The following MROH1 variants were observed in gnomAD, a reference collection of about 807,000 sequenced individuals.
The protein encoded by MROH1 is maestro heat like repeat family member 1.
A neutral mutation model predicts 116.5 loss-of-function variants in MROH1; 117 were observed. The observed-to-expected ratio is 1.00, with a 90% CI of 0.86 to 1.17. The LOEUF is 1.17. Among genes scored for constraint, MROH1 ranks in the 50% most tolerant of loss-of-function variants. The probability of loss-of-function intolerance (pLI) is 0.00; values close to 1 mark genes in which losing one functional copy is unlikely to be tolerated. For missense variants in MROH1, 1,873 were observed against 1,338.5 expected, an observed-to-expected ratio of 1.40 and a Z score of -6.23; for synonymous variants, 921 against 583.9, an observed-to-expected ratio of 1.58 and a Z score of -8.32.
At chr8:144,240,873 C>T (rs1840862595) in intron 20 of MROH1, 119 bp from the exon 21 acceptor site, 2 of 699,640 alleles carry the variant, frequency 2.9e-6, no homozygotes, top group Non-Finnish European at 2.6e-6. Flanking sequence ...CCCAGACTCA[C>T]CCTGCAGTTC....
At chr8:144,231,679 T>A (rs1388678333) in intron 14 of MROH1, among the ~76,000 whole-genome samples, 1 of 152,134 alleles carries the variant, frequency 6.6e-6, no homozygotes, top group South Asian at 2.1e-4. Context: ...ATCACAGATA[T>A]AATATTAATG....
intron 12 of MROH1, among the ~76,000 whole-genome samples, chr8:144,206,146 T>C (rs1398727778): frequency 6.6e-6 from 1 of 152,052 alleles, no homozygotes; most frequent in African/African-American, 2.4e-5. Context: ...ACCTCACGGG[T>C]TCAAGGGATC....
rs2129939924 is a variant in MROH1 at position 144,258,871 on chromosome 8, A to G, written c.3886A>G (p.Arg1296Gly). Reference protein sequence around the residue: ...MDLEGGWELLRTSAGHEEGAT... With the variant: ...MDLEGGWELLGTSAGHEEGAT... ...CCTGGAGGGAGGCTGGGAACTGCTC[A>G]GGACCTCGGCGGGGCATGAGGAGGG... Residue 1296 changes from arginine (R) to glycine (G), a missense_variant, in exon 36 of 44, where the codon AGG (arginine) becomes GGG (glycine). Transcript: ENST00000326134. 19 of 768,270 alleles carry G rather than the reference A, an allele frequency of 2.5e-5. No homozygotes were observed. In the East Asian group the frequency reaches 4.7e-4, roughly 19 times the overall value. The allele number at this position is 768,270 out of a possible 1,614,324, so 47.6% of individuals were successfully genotyped here.
intron 33 of MROH1, chr8:144,251,538 A>G (rs1186743872): frequency 7.9e-5 from 12 of 152,184 alleles, no homozygotes; most frequent in African/African-American, 2.9e-4. Context: ...AGGTGGCTGC[A>G]TGTGTCCTCA....
intron 9 of MROH1, among the ~76,000 whole-genome samples, 170 bp downstream of exon 9, chr8:144,192,025 C>A (rs565414752): frequency 6.6e-6 from 1 of 152,144 alleles, no homozygotes; most frequent in Non-Finnish European, 1.5e-5. Flanking sequence ...TGGGGACCAG[C>A]TTAGTTTTCC....
intron 14 of MROH1, among the ~76,000 whole-genome samples, chr8:144,233,386 A>C (rs1839331438): frequency 2.2e-5 from 2 of 91,668 alleles, no homozygotes; most frequent in Non-Finnish European, 4.4e-5. Context: ...TCCTGCACCC[A>C]CCATCCACCT....
chr8:144,179,245 A>G (rs1260127442), intron 4 of MROH1, among the ~76,000 whole-genome samples: 1 of 152,050 alleles, frequency 6.6e-6, no homozygotes, highest in Admixed American at 6.6e-5. Context: ...CTGGCGCAGG[A>G]TAACGCTCCA....
intron 12 of MROH1, among the ~76,000 whole-genome samples, chr8:144,213,625 C>T (rs1176182954): frequency 6.6e-6 from 1 of 151,966 alleles, no homozygotes; most frequent in African/African-American, 2.4e-5. Context: ...CCCGTTTCTG[C>T]TAAAAATACA....
chr8:144,176,052 A>AAAAT (rs886225161), intron 4 of MROH1, among the ~76,000 whole-genome samples: 1 of 151,772 alleles, frequency 6.6e-6, no homozygotes, highest in Non-Finnish European at 1.5e-5. Context: ...CTGTCTCAAA[A>AAAAT]AAATAAATAA....
intron 36 of MROH1, 122 bp from the exon 37 acceptor site, chr8:144,259,118 A>G (rs980016180): frequency 0.037 from 25,755 of 689,928 alleles, 629 homozygotes; most frequent in African/African-American, 0.084. Flanking sequence ...TCTCTGAAAC[A>G]TAGAACTCCC....
rs781009806 is a variant in MROH1 at position 144,191,799 on chromosome 8, C to T, written c.799C>T (p.Leu267Phe). The stretch of plus-strand genomic sequence containing the variant: ...GCTGGAAGAGCAGCTGCCCAAGCTC[C>T]TCCCTGGGATTCTCGCCCTCTACAA... ...ERLEEQLPKL[L>F]PGILALYKKH... The change falls in exon 9 of 44, where the codon CTC becomes TTC. Residue 267 changes from leucine to phenylalanine, a missense_variant. Coordinates refer to ENST00000326134, the MANE Select transcript of MROH1 (RefSeq NM_032450.3). 2 of 1,613,454 alleles carry T rather than the reference C, an allele frequency of 1.2e-6. No homozygotes were observed. The highest frequency in any genetic ancestry group is 2.7e-5 in the African/African-American group (2 of 74,936).
rs1844898086 is a variant in MROH1, at chr8:144,260,807, A to G, written c.4511A>G (p.Gln1504Arg). The change falls in exon 40 of 44, where the codon CAG becomes CGG. Residue 1504 changes from glutamine to arginine, a missense_variant. Coordinates refer to ENST00000326134, the MANE Select transcript of MROH1 (RefSeq NM_032450.3). ...GGLAPLLLHL[Q>R]DPQATVASAC... is the part of the protein sequence containing the mutation. ...CTGGCGCCCCTGCTGCTGCACCTGCAGGACCCTCAGGCCACCGTGGCCAGC... is the reference window on the plus strand; with the variant it reads ...CTGGCGCCCCTGCTGCTGCACCTGCGGGACCCTCAGGCCACCGTGGCCAGC... 2.6e-6 allele frequency: 2 copies of G among 778,062 alleles called. No individual in the cohort carries two copies. The highest frequency in any genetic ancestry group is 2.7e-5 in the South Asian group (2 of 74,586). 48.2% of individuals were successfully genotyped at this position (778,062 alleles called of 1,614,324 possible). A position where few individuals can be genotyped will look rare whatever the true frequency, so the allele number is the denominator to read the frequency against.
intron 35 of MROH1, 101 bp from the exon 36 acceptor site, chr8:144,258,676 A>G: frequency 1.4e-6 from 1 of 697,654 alleles, no homozygotes; most frequent in Non-Finnish European, 2.6e-6. Flanking sequence ...AGGGCTAGCC[A>G]CCAGGTGGGC....
intron 14 of MROH1, among the ~76,000 whole-genome samples, chr8:144,233,217 G>A (rs972566161): frequency 3.9e-4 from 59 of 151,902 alleles, no homozygotes; most frequent in Non-Finnish European, 5.9e-5. Context: ...ACACTTCAGC[G>A]ACTTTAAGCT....
chr8:144,198,956 C>T (rs1472570473), intron 10 of MROH1, among the ~76,000 whole-genome samples, 166 bp from the exon 11 acceptor site: 1 of 152,134 alleles, frequency 6.6e-6, no homozygotes, highest in African/African-American at 2.4e-5. Flanking sequence ...TGTCCTGCAT[C>T]CAGGGCTTGG....
At chr8:144,153,422 C>G (rs1817327828) in intron 1 of MROH1, among the ~76,000 whole-genome samples, 1 of 152,132 alleles carries the variant, frequency 6.6e-6, no homozygotes, top group Non-Finnish European at 1.5e-5. Flanking sequence ...GTCTCGAACT[C>G]CTGACCTCAG....
intron 3 of MROH1, among the ~76,000 whole-genome samples, chr8:144,165,744 G>GT (rs1332159480): frequency 7.7e-5 from 11 of 142,260 alleles, no homozygotes; most frequent in African/African-American, 2.6e-4. Flanking sequence ...CGTAATTTTT[G>GT]TATTTTTTTT....
At chr8:144,156,382 C>T (rs895231051) in intron 1 of MROH1, among the ~76,000 whole-genome samples, 5 of 151,410 alleles carry the variant, frequency 3.3e-5, no homozygotes, top group African/African-American at 7.3e-5. Flanking sequence ...TTGAGATGAT[C>T]GTGATGTGAA....
intron 35 of MROH1, among the ~76,000 whole-genome samples, 171 bp downstream of exon 35, chr8:144,255,876 G>A (rs989773995): frequency 6.6e-6 from 1 of 152,248 alleles, no homozygotes; most frequent in African/African-American, 2.4e-5. Context: ...TGTCAGTGGT[G>A]ACATCCATGG....
Sources: allele counts gnomAD v4.1 joint callset (sites outside exome capture counted in the v4.1 genomes callset), GRCh38; gene constraint gnomAD v4.1.1; transcripts MANE v1.5; gene names NCBI Gene and HGNC (gene_info 2026-07-23, HGNC 2026-07-21).